Variants in TMC6 observed in about 807,000 individuals in gnomAD.
The protein encoded by TMC6 is transmembrane channel-like protein 6.
TMC6 carries 71 observed loss-of-function variants against 95.4 expected under a neutral mutation model. That is an observed-to-expected ratio of 0.74 (90% CI 0.61 to 0.91). TMC6 has a LOEUF of 0.91. Among genes scored for constraint, TMC6 ranks in the 40% least tolerant of loss-of-function variants. The pLI is 0.00. For missense variants in TMC6, 1,074 were observed against 1,079.1 expected (o/e 1.00, Z 0.07); for synonymous variants, 514 against 483.1 (o/e 1.06, Z -0.84).
upstream of TMC6, chr17:78,131,566 AGCCTCTACCCGTGCCCGCCGAGATGCT>A (rs1230051290): frequency 7.8e-6 from 12 of 1,541,210 alleles, no homozygotes; most frequent in Non-Finnish European, 1.0e-5. Flanking sequence ...CCGGCGCCCC[AGCCTCTACCCGTGCCCGCCGAGATGCT>A]GCTGCCGCGG....
Position 78,122,180 on chromosome 17 carries a change from C to A in TMC6, c.1227+425G>T, listed in dbSNP as rs949557092. Among the ~76,000 whole-genome samples, 2 of 152,176 alleles carry A rather than the reference C, an allele frequency of 1.3e-5. No homozygotes were observed. The highest frequency in any genetic ancestry group is 1.3e-4 in the Admixed American group (2 of 15,278). Reference sequence around the variant, plus strand: ...GGCCCGGCTCTGCAGCCTCCTGGCCCCGCAACCTCTACGAGGGCCTCGGCC... The same window carrying A: ...GGCCCGGCTCTGCAGCCTCCTGGCCACGCAACCTCTACGAGGGCCTCGGCC... On this transcript the variant is annotated intron_variant, in intron 10 of 19. Transcript: ENST00000590602. This position sits in a 1 kb window ranked among gnomAD's most constrained non-coding sequence, Gnocchi z 4.9.
chr17:78,113,366 C>T (rs1341316754), intron 19 of TMC6, among the ~76,000 whole-genome samples, 155 bp from the exon 20 acceptor site: 2 of 152,190 alleles, frequency 1.3e-5, no homozygotes, highest in Non-Finnish European at 2.9e-5. Flanking sequence ...GGCCAGGCTC[C>T]GGAGGCCAGA....
At chr17:78,132,228 G>C, upstream of TMC6, 6 of 1,388,824 alleles carry the variant, frequency 4.3e-6, no homozygotes, top group Middle Eastern at 2.1e-4. Flanking sequence ...ACTGTCAGCG[G>C]TACCTCCGGA....
Position 78,119,183 on chromosome 17 carries a change from G to A in TMC6, c.1811+114C>T. On this transcript the variant is annotated intron_variant, in intron 14 of 19. Coordinates refer to ENST00000590602, the MANE Select transcript of TMC6 (RefSeq NM_001127198.5). The stretch of plus-strand genomic sequence containing the variant: ...GGGGTTAGGGTCTGCATCACTCCAG[G>A]GTCCATGGCCGGGCCTGGCTGTGGC... 5 of 1,515,804 alleles carry A rather than the reference G, an allele frequency of 3.3e-6. No individual in the cohort carries two copies. The South Asian group carries it at 4.5e-5, about 14-fold the overall frequency. 93.9% of individuals were successfully genotyped at this position (1,515,804 alleles called of 1,614,324 possible).
rs924728684 is a variant in TMC6 at position 78,112,378 on chromosome 17, C to G, written c.*770G>C. The G allele has an allele frequency of 5.2e-6, 1 of 191,616 alleles. No homozygotes were observed. Among genetic ancestry groups the G allele is most frequent in the Non-Finnish European group, 1.1e-5 (1 of 90,414 alleles). The allele number at this position is 191,616 out of a possible 1,614,324, so 11.9% of individuals were successfully genotyped here. Reference sequence around the variant, plus strand: ...TCCCCGAATCCCTGTGCCCACCCCCCACAGCCTACGGTTTTCGGTATCCCA... The same window carrying G: ...TCCCCGAATCCCTGTGCCCACCCCCGACAGCCTACGGTTTTCGGTATCCCA... On this transcript the variant is annotated 3_prime_UTR_variant, in exon 20 of 20. Coordinates refer to ENST00000590602, the MANE Select transcript of TMC6 (RefSeq NM_001127198.5).
At chr17:78,116,113 G>A (rs977617869) in intron 18 of TMC6, among the ~76,000 whole-genome samples, 3 of 151,766 alleles carry the variant, frequency 2.0e-5, no homozygotes, top group Admixed American at 6.6e-5. Context: ...CTGAGTAGCT[G>A]GTACAGGTGG....
chr17:78,125,240 C>T lies in TMC6; in HGVS notation c.454G>A (p.Glu152Lys). ...EEEKQSLLVK[E>K]LQSLAVAQRD... ...TGTGCCACTGCCAGGCTCTGGAGCTCCTTCACCAGGAGGCTCTGCTTCTCT... is the reference window on the plus strand; with the variant it reads ...TGTGCCACTGCCAGGCTCTGGAGCTTCTTCACCAGGAGGCTCTGCTTCTCT... Residue 152 changes from glutamate to lysine, a missense_variant, in exon 6 of 20, where the codon GAG becomes AAG. Transcript: ENST00000590602. 6.3e-7 allele frequency: 1 copy of T among 1,582,954 alleles called. No individual in the cohort carries two copies. The highest frequency in any genetic ancestry group is 8.6e-7 in the Non-Finnish European group (1 of 1,163,976).
intron 18 of TMC6, among the ~76,000 whole-genome samples, chr17:78,116,255 G>A (rs1194579666): frequency 2.7e-5 from 4 of 150,304 alleles, no homozygotes; most frequent in Non-Finnish European, 5.9e-5. Flanking sequence ...GGGATTAGAG[G>A]CCTGAGCCCC....
upstream of TMC6, chr17:78,131,586 G>GCGGGC: frequency 2.6e-6 from 4 of 1,544,918 alleles, no homozygotes; most frequent in Non-Finnish European, 3.5e-6. Flanking sequence ...CGTGCCCGCC[G>GCGGGC]AGATGCTGCT....
At chr17:78,128,837 G>T (rs1227926003), upstream of TMC6, 5 of 138,702 alleles carry the variant, frequency 3.6e-5, 1 homozygote, top group African/African-American at 1.1e-4. This position sits in a 1 kb window ranked among gnomAD's most constrained non-coding sequence, Gnocchi z 4.0. Flanking sequence ...CACGTGACCC[G>T]GCCCGGCCCG....
chr17:78,122,693 G>A lies in TMC6; in HGVS notation c.1139C>T (p.Ala380Val), dbSNP rs147856997. 5.0e-4 allele frequency: 798 copies of A among 1,611,794 alleles called. 1 individual carries two copies. The African/African-American group carries it at 9.4e-3, about 19-fold the overall frequency. ...YRVGSTSGIH[A>V]ITVFCSWDYK... ...GTCCCAGGAGCAGAAGACGGTGATG[G>A]CGTGGATGCCAGAGGTGCTGCCCAC... The change falls in exon 10 of 20, where the codon GCC becomes GTC. Residue 380 changes from alanine to valine, a missense_variant. Transcript: ENST00000590602. This position sits in a 1 kb window ranked among gnomAD's most constrained non-coding sequence, Gnocchi z 4.9.
chr17:78,119,192 C>A, intron 14 of TMC6, 105 bp downstream of exon 14: 1 of 1,533,320 alleles, frequency 6.5e-7, no homozygotes, highest in Non-Finnish European at 9.0e-7. Flanking sequence ...GGGTCCATGG[C>A]CGGGCCTGGC....
At chr17:78,132,005 G>T, upstream of TMC6, 1 of 1,532,498 alleles carries the variant, frequency 6.5e-7, no homozygotes, top group Non-Finnish European at 8.7e-7. Context: ...TTGGGCTCTG[G>T]GAGGGGGCGC....
In TMC6 at chr17:78,122,869, G is replaced by A; in HGVS notation, c.1083-120C>T. On this transcript the variant is annotated intron_variant, in intron 9 of 19. Coordinates refer to ENST00000590602, the MANE Select transcript of TMC6 (RefSeq NM_001127198.5). This position sits in a 1 kb window ranked among gnomAD's most constrained non-coding sequence, Gnocchi z 4.9. ...CACCACCCACTCAGGAGCCATCTGGGCCCTGACTGGGCCTCCTGCCACACC... is the reference window on the plus strand; with the variant it reads ...CACCACCCACTCAGGAGCCATCTGGACCCTGACTGGGCCTCCTGCCACACC... The A allele has an allele frequency of 7.0e-7, 1 of 1,432,900 alleles. No homozygotes were observed. 88.8% of individuals were successfully genotyped at this position (1,432,900 alleles called of 1,614,324 possible). A position where few individuals can be genotyped will look rare whatever the true frequency, so the allele number is the denominator to read the frequency against.
chr17:78,123,683 T>G (rs2074541864), intron 9 of TMC6, among the ~76,000 whole-genome samples: 1 of 122,256 alleles, frequency 8.2e-6, no homozygotes, highest in Admixed American at 8.5e-5. Context: ...GGTGGGTGAA[T>G]TGAGTGGGTG....
At chr17:78,131,273 T>G, upstream of TMC6, 7 of 489,420 alleles carry the variant, frequency 1.4e-5, no homozygotes, top group African/African-American at 2.0e-5. Context: ...TTTCACCCCA[T>G]TTGACAGATG....
At chr17:78,132,365 T>A, upstream of TMC6, 1 of 1,612,894 alleles carries the variant, frequency 6.2e-7, no homozygotes, top group Non-Finnish European at 8.5e-7. Flanking sequence ...GCAGGCCTCT[T>A]CGGCACAGGA....
intron 12 of TMC6, 51 bp from the exon 13 acceptor site, chr17:78,120,883 A>G: frequency 6.2e-7 from 1 of 1,610,880 alleles, no homozygotes; most frequent in Non-Finnish European, 8.5e-7. Flanking sequence ...GGGACAGAAG[A>G]TGCACCCCAG....
At position 78,113,717 on chromosome 17, in the gene TMC6, G is replaced by A. The variant is rs185458776; in HGVS notation, c.2278-93C>T. On this transcript the variant is annotated intron_variant, in intron 18 of 19. Transcript: ENST00000590602. ...AAACTGCATTTGAGGGAAAACTCAC[G>A]AGGTGTATTCAACATCGCAAGCAGC... 24 of 1,315,942 alleles carry A rather than the reference G, an allele frequency of 1.8e-5. No homozygotes were observed. In the African/African-American group the frequency reaches 2.0e-4, roughly 11 times the overall value. 81.5% of individuals were successfully genotyped at this position (1,315,942 alleles called of 1,614,324 possible). A position where few individuals can be genotyped will look rare whatever the true frequency, so the allele number is the denominator to read the frequency against.
Sources: allele counts gnomAD v4.1 joint callset (sites outside exome capture counted in the v4.1 genomes callset), GRCh38; gene constraint gnomAD v4.1.1; non-coding constraint Gnocchi (gnomAD v3.1); transcripts MANE v1.5; gene names NCBI Gene and HGNC (gene_info 2026-07-23, HGNC 2026-07-21).